The following PKM variants were observed in gnomAD, a reference collection of about 807,000 sequenced individuals.
PKM encodes the protein pyruvate kinase PKM.
In PKM, 18 loss-of-function variants were observed where a neutral mutation model predicts 49.8. That is an observed-to-expected ratio of 0.36 (90% CI 0.25 to 0.54). PKM has a LOEUF of 0.54. Ranked by LOEUF, PKM falls within the 20% of genes least tolerant of loss-of-function variation. The pLI is 0.89. For synonymous variants in PKM, 239 were observed against 261.8 expected (o/e 0.91, Z 0.84); for missense variants, 508 against 713.8 (o/e 0.71, Z 3.28).
chr15:72,228,647 C>G (rs1319518005), intron 1 of PKM: 2 of 1,284,698 alleles, frequency 1.6e-6, no homozygotes, highest in Admixed American at 2.3e-5. Context: ...GAGCCCCACT[C>G]CCCCACAGAT....
Position 72,202,654 on chromosome 15 carries a change from G to T in PKM, c.1141-34C>A, listed in dbSNP as rs750030773. ...GCAACATCCGTCCAGAGGGACGAGA[G>T]GGGGACAGAGCTTTGTCAGAGCTTT... is the stretch of plus-strand genomic sequence containing the variant. On this transcript the variant is annotated intron_variant, in intron 8 of 10. Transcript: ENST00000335181. The surrounding 1 kb of genome is among the most constrained non-coding windows in gnomAD (Gnocchi z 4.5). The T allele has an allele frequency of 1.3e-6, 2 of 1,585,204 alleles. No homozygotes were observed. Among genetic ancestry groups the T allele is most frequent in the Non-Finnish European group, 1.7e-6 (2 of 1,158,538 alleles).
At chr15:72,208,198 C>A (rs1409197370) in intron 6 of PKM, among the ~76,000 whole-genome samples, 1 of 152,170 alleles carries the variant, frequency 6.6e-6, no homozygotes, top group African/African-American at 2.4e-5. Flanking sequence ...TGAAATTCCA[C>A]ATGGCTCCCC....
chr15:72,227,762 A>C (rs1281941742), intron 1 of PKM, among the ~76,000 whole-genome samples: 24 of 134,504 alleles, frequency 1.8e-4, no homozygotes, highest in African/African-American at 6.8e-4. Context: ...AAAAAAAAAA[A>C]AAAAAAAAAA....
intron 4 of PKM, 132 bp downstream of exon 4, chr15:72,210,215 T>C (rs528556062): frequency 3.3e-6 from 3 of 920,044 alleles, no homozygotes; most frequent in African/African-American, 3.3e-5. Flanking sequence ...TAAATCCTCA[T>C]TTGTAGACCT....
chr15:72,199,476 G>A lies in PKM; in HGVS notation c.*174C>T. 1.4e-6 allele frequency: 1 copy of A among 703,680 alleles called. No individual in the cohort carries two copies. Among genetic ancestry groups the A allele is most frequent in the Non-Finnish European group, 2.6e-6 (1 of 382,634 alleles). 43.6% of individuals were successfully genotyped at this position (703,680 alleles called of 1,614,324 possible). ...AGCCAGGCTCTGGGCTGTCCCACTA[G>A]AGCAGGCTGCAAACACAGCCATGTT... On this transcript the variant is annotated 3_prime_UTR_variant, in exon 11 of 11. Coordinates refer to ENST00000335181, the MANE Select transcript of PKM (RefSeq NM_002654.6).
intron 6 of PKM, among the ~76,000 whole-genome samples, chr15:72,208,375 G>T (rs2082138851): frequency 6.6e-6 from 1 of 152,016 alleles, no homozygotes; most frequent in South Asian, 2.1e-4. Context: ...CCCAGGCCCA[G>T]GGAACAATGT....
chr15:72,205,963 A>G (rs2082067275), intron 8 of PKM, among the ~76,000 whole-genome samples: 1 of 152,206 alleles, frequency 6.6e-6, no homozygotes, highest in Non-Finnish European at 1.5e-5. Flanking sequence ...ACAAGCTGGA[A>G]GAGCCTGAAG....
Position 72,206,889 on chromosome 15 carries a change from G to T in PKM, c.988-9C>A, listed in dbSNP as rs1412200330. 1 of 1,613,956 alleles carries T rather than the reference G, an allele frequency of 6.2e-7. No homozygotes were observed. The highest frequency in any genetic ancestry group is 8.5e-7 in the Non-Finnish European group (1 of 1,179,960). On this transcript the variant is annotated splice_polypyrimidine_tract_variant and intron_variant, in intron 7 of 10. Transcript: ENST00000335181. Reference sequence around the variant, plus strand: ...ATCATGCTCTCCAGCATCTGGGAGGGGACAGAGCATTAGTGAGATGTAGCT... The same window carrying T: ...ATCATGCTCTCCAGCATCTGGGAGGTGACAGAGCATTAGTGAGATGTAGCT...
intron 3 of PKM, among the ~76,000 whole-genome samples, chr15:72,215,061 C>T (rs964530618): frequency 6.6e-6 from 1 of 151,626 alleles, no homozygotes; most frequent in Non-Finnish European, 1.5e-5. Flanking sequence ...ATTAGCTGGG[C>T]GTGGTGGCAC....
intron 5 of PKM, chr15:72,209,411 A>ATATG (rs2082175658): frequency 1.7e-4 from 2 of 11,582 alleles, no homozygotes; most frequent in African/African-American, 3.5e-4. Flanking sequence ...ATATATATAT[A>ATATG]TATATATATA....
intron 3 of PKM, among the ~76,000 whole-genome samples, chr15:72,212,014 C>T (rs1382794953): frequency 6.6e-6 from 1 of 152,188 alleles, no homozygotes; most frequent in Non-Finnish European, 1.5e-5. Context: ...GAGCCAGAGC[C>T]TAGCCTCTAA....
Position 72,206,715 on chromosome 15 carries a change from C to T in PKM, c.1140+13G>A. The T allele has an allele frequency of 6.2e-7, 1 of 1,612,262 alleles. No individual in the cohort carries two copies. The highest frequency in any genetic ancestry group is 8.5e-7 in the Non-Finnish European group (1 of 1,179,878). ...CCGAAGCCCTGGGGGATGGGGCAGG[C>T]CCCAGAACTCACCAGGTGCTGCATG... is the stretch of plus-strand genomic sequence containing the variant. On this transcript the variant is annotated intron_variant, in intron 8 of 10. Transcript: ENST00000335181.
chr15:72,229,729 C>A (rs2082791764), intron 1 of PKM: 3 of 1,183,238 alleles, frequency 2.5e-6, no homozygotes, highest in Admixed American at 2.5e-5. Flanking sequence ...GCTCGGTGGG[C>A]TATGACTCGT....
intron 3 of PKM, among the ~76,000 whole-genome samples, chr15:72,214,640 C>T (rs1329857861): frequency 2.0e-5 from 3 of 151,826 alleles, no homozygotes; most frequent in Non-Finnish European, 4.4e-5. Context: ...TACTAAAATA[C>T]AAAAATTAGT....
At chr15:72,209,225 C>T (rs963671406) in intron 5 of PKM, among the ~76,000 whole-genome samples, 2 of 151,380 alleles carry the variant, frequency 1.3e-5, no homozygotes, top group African/African-American at 4.9e-5. Flanking sequence ...AAAAATTAGC[C>T]GGGTGTGGTG....
At chr15:72,210,718 T>C (rs573299818) in intron 3 of PKM, among the ~76,000 whole-genome samples, 36 of 152,298 alleles carry the variant, frequency 2.4e-4, no homozygotes, top group Middle Eastern at 3.4e-3. Context: ...CTTTGAAATG[T>C]AGGTGGCAAA....
intron 1 of PKM, among the ~76,000 whole-genome samples, chr15:72,224,922 CTTTTTTTTT>C (rs144572779): frequency 9.1e-4 from 74 of 81,592 alleles, no homozygotes; most frequent in African/African-American, 2.8e-3. Context: ...TTTCTTTTTT[CTTTTTTTTT>C]TTTTTTTTGA....
At chr15:72,229,013 CAG>C (rs1195833634) in intron 1 of PKM, among the ~76,000 whole-genome samples, 2 of 152,162 alleles carry the variant, frequency 1.3e-5, no homozygotes, top group African/African-American at 2.4e-5. Context: ...CTGCTCCAAG[CAG>C]AGAGTTGGAA....
intron 6 of PKM, among the ~76,000 whole-genome samples, chr15:72,207,872 C>T (rs900040808): frequency 6.6e-6 from 1 of 152,254 alleles, no homozygotes; most frequent in African/African-American, 2.4e-5. Context: ...AGTAAGGCCA[C>T]TACAGTGGGT....
Sources: gnomAD v4.1 joint callset for allele counts (sites outside exome capture counted in the v4.1 genomes callset) on GRCh38, gnomAD v4.1.1 for gene constraint, Gnocchi (gnomAD v3.1) non-coding constraint, MANE v1.5 for transcripts, NCBI Gene and HGNC (gene_info 2026-07-23, HGNC 2026-07-21) for gene names.